The following FBXL5 variants were observed in gnomAD, a reference collection of about 807,000 sequenced individuals.
FBXL5 encodes the protein F-box/LRR-repeat protein 5.
In FBXL5, 26 loss-of-function variants were observed where a neutral mutation model predicts 78.3. That is an observed-to-expected ratio of 0.33 (90% CI 0.24 to 0.46). The LOEUF (loss-of-function observed/expected upper bound fraction) is 0.46, where lower values mean the gene tolerates loss of function less well. FBXL5 is among the 20% of genes least tolerant of loss of function. FBXL5 has a pLI of 1.00. For synonymous variants in FBXL5, 295 were observed against 282.5 expected (o/e 1.04, Z -0.45); for missense variants, 710 against 829.2 (o/e 0.86, Z 1.77).
At chr4:15,613,571 G>T (rs1276050796) in intron 9 of FBXL5, among the ~76,000 whole-genome samples, 1 of 151,778 alleles carries the variant, frequency 6.6e-6, no homozygotes, top group East Asian at 1.9e-4. Flanking sequence ...ATTATTCTTA[G>T]ATTTGGTCAT....
intron 9 of FBXL5, among the ~76,000 whole-genome samples, chr4:15,623,449 C>T (rs1712682434): frequency 6.6e-6 from 1 of 151,724 alleles, no homozygotes; most frequent in Non-Finnish European, 1.5e-5. Flanking sequence ...ACTGGTCATA[C>T]TGAAAATGCA....
At chr4:15,633,664 G>A (rs765702655) in intron 5 of FBXL5, among the ~76,000 whole-genome samples, 8 of 152,158 alleles carry the variant, frequency 5.3e-5, no homozygotes, top group African/African-American at 1.2e-4. Context: ...CACAGTCTCC[G>A]CTCACTGCAA....
chr4:15,614,456 GA>G (rs1711566645), intron 9 of FBXL5, among the ~76,000 whole-genome samples: 1 of 152,198 alleles, frequency 6.6e-6, no homozygotes, highest in African/African-American at 2.4e-5. Context: ...GTAGTATAGG[GA>G]GGGTACAAGT....
At chr4:15,626,027 A>T in intron 8 of FBXL5, 50 bp from the exon 9 acceptor site, 1 of 1,466,764 alleles carries the variant, frequency 6.8e-7, no homozygotes, top group Middle Eastern at 1.8e-4. Flanking sequence ...ATTTTTCAAA[A>T]GCATTTGACT....
chr4:15,621,274 TCAA>T (rs1712452648), intron 9 of FBXL5, among the ~76,000 whole-genome samples: 1 of 152,092 alleles, frequency 6.6e-6, no homozygotes, highest in African/African-American at 2.4e-5. Flanking sequence ...GGATACAAAA[TCAA>T]CATGCAAAAC....
chr4:15,614,813 G>A (rs1278782743), intron 9 of FBXL5, among the ~76,000 whole-genome samples: 2 of 152,166 alleles, frequency 1.3e-5, no homozygotes, highest in Non-Finnish European at 2.9e-5. Context: ...CACTTTGGCG[G>A]CATTTGAGGA....
At chr4:15,676,255 C>T (rs1171661363) in intron 1 of FBXL5, among the ~76,000 whole-genome samples, 2 of 151,988 alleles carry the variant, frequency 1.3e-5, no homozygotes, top group South Asian at 2.1e-4. Context: ...TATAAACTAC[C>T]GCATAAAAAG....
At chr4:15,640,325 G>A (rs1349546782) in intron 3 of FBXL5, among the ~76,000 whole-genome samples, 1 of 141,926 alleles carries the variant, frequency 7.0e-6, no homozygotes, top group Non-Finnish European at 1.5e-5. Context: ...GATTATAGAC[G>A]TGAACCACCA....
At chr4:15,670,358 G>C (rs1041281127) in intron 1 of FBXL5, among the ~76,000 whole-genome samples, 1 of 152,198 alleles carries the variant, frequency 6.6e-6, no homozygotes, top group African/African-American at 2.4e-5. Context: ...TCCAGTGGTT[G>C]CTCCGTTTTG....
chr4:15,628,719 C>T (rs1713314479), intron 6 of FBXL5, among the ~76,000 whole-genome samples: 4 of 151,170 alleles, frequency 2.6e-5, no homozygotes, highest in South Asian at 2.1e-4. Context: ...GAATTTGTTA[C>T]TCATGGTTCC....
rs146749919 is a variant in FBXL5 at position 15,625,560 on chromosome 4, A to G, written c.1542T>C (p.Ser514=). Residue 514 remains serine (S), a synonymous_variant, in exon 9 of 11, where the codon AGT becomes AGC. Coordinates refer to ENST00000341285, the MANE Select transcript of FBXL5 (RefSeq NM_012161.4). ...TACTAAAACAACCAGAGGTGGAACA[A>G]CTAAAGTTGGATGCTGTTTCCATTA... The part of the protein sequence containing the change: ...LCVMETASNF[S]CSTSGCFSKD... 8 of 1,614,126 alleles carry G rather than the reference A, an allele frequency of 5.0e-6. No individual in the cohort carries two copies. The highest frequency in any genetic ancestry group is 5.9e-6 in the Non-Finnish European group (7 of 1,180,054).
At chr4:15,653,273 G>A (rs544528806) in intron 1 of FBXL5, among the ~76,000 whole-genome samples, 1 of 152,094 alleles carries the variant, frequency 6.6e-6, no homozygotes. Flanking sequence ...AACTAGTTAT[G>A]CAAGTGGGAA....
intron 5 of FBXL5, among the ~76,000 whole-genome samples, chr4:15,635,185 T>C (rs1345897079): frequency 6.6e-6 from 1 of 151,300 alleles, no homozygotes; most frequent in African/African-American, 2.4e-5. Context: ...TACAAAAAAT[T>C]AGCCAGGCAT....
At chr4:15,658,584 T>C (rs1717136841), upstream of FBXL5, among the ~76,000 whole-genome samples, 1 of 152,190 alleles carries the variant, frequency 6.6e-6, no homozygotes, top group Non-Finnish European at 1.5e-5. Context: ...CGCCATGTGA[T>C]GTCCTGCACT....
rs184810117 is a variant in FBXL5, at chr4:15,676,366, A to G, written c.-284+5017T>C. Among the ~76,000 whole-genome samples, 493 of 152,306 alleles carry G rather than the reference A, an allele frequency of 3.2e-3. 3 individuals are homozygous for G. Among genetic ancestry groups the G allele is most frequent in the Middle Eastern group, 0.01 (3 of 294 alleles). On this transcript the variant is annotated intron_variant, in intron 1 of 4. Transcript: ENST00000507899. The stretch of plus-strand genomic sequence containing the variant: ...GAATAGGTTGAAAGATTGTATGAGG[A>G]TGGAAACAGCCAAATCCTGAATATG...
intron 1 of FBXL5, among the ~76,000 whole-genome samples, chr4:15,673,601 T>C (rs539775623): frequency 6.6e-5 from 10 of 152,338 alleles, no homozygotes; most frequent in Admixed American, 2.6e-4. Flanking sequence ...TTGAACAAAA[T>C]GTCTTTATGT....
chr4:15,626,106 T>TACTTAAG (rs1438762833), intron 8 of FBXL5, 129 bp from the exon 9 acceptor site: 2 of 853,338 alleles, frequency 2.3e-6, no homozygotes, highest in Non-Finnish European at 3.5e-6. Context: ...ATTTAGTGAA[T>TACTTAAG]TATCTATTGT....
chr4:15,626,456 A>T (rs1713071845), intron 8 of FBXL5, among the ~76,000 whole-genome samples: 1 of 152,222 alleles, frequency 6.6e-6, no homozygotes. Flanking sequence ...AATACAGAGA[A>T]TTGGTGGTCA....
intron 1 of FBXL5, among the ~76,000 whole-genome samples, chr4:15,674,204 GT>G (rs35166916): frequency 0.12 from 16,643 of 140,104 alleles, 926 homozygotes; most frequent in Admixed American, 0.13. Context: ...AATGCATCGT[GT>G]TTTTTTTTTT....
Sources: gnomAD v4.1 joint callset for allele counts (sites outside exome capture counted in the v4.1 genomes callset) on GRCh38, gnomAD v4.1.1 for gene constraint, MANE v1.5 for transcripts, NCBI Gene and HGNC (gene_info 2026-07-23, HGNC 2026-07-21) for gene names.